Variants in ZNF721 observed in about 807,000 individuals in gnomAD.
The protein encoded by ZNF721 is zinc finger protein 721.
In ZNF721, 2 loss-of-function variants were observed where a neutral mutation model predicts 2.4. That is an observed-to-expected ratio of 0.82 (90% CI 0.34 to 2.58). ZNF721 has a LOEUF of 2.58. Ranked by LOEUF, ZNF721 falls within the 30% of genes most tolerant of loss-of-function variation. ZNF721 has a pLI of 0.11. For missense variants in ZNF721, 1,187 were observed against 1,085.5 expected (o/e 1.09, Z -1.31); for synonymous variants, 398 against 381.8 (o/e 1.04, Z -0.50).
chr4:443,581 T>C lies in ZNF721; in HGVS notation c.886A>G (p.Arg296Gly). ...FNISTTLTKH[R>G]RIHTGEKPYT... Reference sequence around the variant, plus strand: ...GGTTTCTCTCCAGTATGAATTCTCCTATGTTTAGTAAGGGTTGTGGAAATA... The same window carrying C: ...GGTTTCTCTCCAGTATGAATTCTCCCATGTTTAGTAAGGGTTGTGGAAATA... The change falls in exon 3 of 3, where the codon AGG (arginine) becomes GGG (glycine). Residue 296 changes from arginine (R) to glycine (G), a missense_variant. Physicochemically the swap from Arg to Gly is moderately radical, Grantham distance 125 (BLOSUM62 -2). Transcript: ENST00000511833. The C allele has an allele frequency of 1.9e-6, 3 of 1,614,030 alleles. No homozygotes were observed. The highest frequency in any genetic ancestry group is 2.5e-6 in the Non-Finnish European group (3 of 1,179,954).
chr4:496,187 G>A (rs1353120897), intron 1 of ZNF721, among the ~76,000 whole-genome samples: 2 of 152,090 alleles, frequency 1.3e-5, no homozygotes, highest in African/African-American at 4.8e-5. Context: ...AGCCGCTTCA[G>A]AGGCCTTGTT....
intron 2 of ZNF721, among the ~76,000 whole-genome samples, chr4:464,170 A>T (rs540323092): frequency 1.1e-4 from 16 of 152,330 alleles, no homozygotes; most frequent in Non-Finnish European, 1.5e-4. Context: ...TAAAATCAGC[A>T]AACTTTAAAG....
At position 442,314 on chromosome 4, in the gene ZNF721, A is replaced by G; in HGVS notation, c.2153T>C (p.Val718Ala). Residue 718 changes from valine to alanine, a missense_variant, in exon 3 of 3, where the codon GTT (valine) becomes GCT (alanine). Transcript: ENST00000511833. Reference protein sequence around the residue: ...RSRNLTTHRRVHTREKPYKCE... With the variant: ...RSRNLTTHRRAHTREKPYKCE... ...TTTGTAGGGTTTCTCCCTAGTGTGAACTCTCCTATGTGTAGTAAGGTTTCT... is the reference window on the plus strand; with the variant it reads ...TTTGTAGGGTTTCTCCCTAGTGTGAGCTCTCCTATGTGTAGTAAGGTTTCT... 1 of 1,612,846 alleles carries G rather than the reference A, an allele frequency of 6.2e-7. No homozygotes were observed. Among genetic ancestry groups the G allele is most frequent in the Non-Finnish European group, 8.5e-7 (1 of 1,179,410 alleles).
intron 1 of ZNF721, among the ~76,000 whole-genome samples, chr4:488,806 G>T (rs1336971551): frequency 1.3e-5 from 2 of 151,822 alleles, no homozygotes; most frequent in African/African-American, 4.8e-5. Flanking sequence ...TTCCGGCCTG[G>T]CAACAGAGCG....
chr4:458,264 G>T (rs141307502), intron 2 of ZNF721, among the ~76,000 whole-genome samples: 1 of 152,148 alleles, frequency 6.6e-6, no homozygotes, highest in African/African-American at 2.4e-5. Context: ...ATCCACAACT[G>T]TCTGATGCCC....
intron 2 of ZNF721, among the ~76,000 whole-genome samples, chr4:465,819 C>T (rs1214737002): frequency 2.0e-5 from 3 of 150,724 alleles, no homozygotes; most frequent in African/African-American, 7.3e-5. Context: ...TAGATACACA[C>T]ACAAAAAAGG....
chr4:447,783 T>C (rs1294953187), intron 2 of ZNF721, among the ~76,000 whole-genome samples: 1 of 146,582 alleles, frequency 6.8e-6, no homozygotes, highest in Non-Finnish European at 1.5e-5. Context: ...ATACTTTAAC[T>C]AAAAGTTCAG....
intron 1 of ZNF721, among the ~76,000 whole-genome samples, 168 bp downstream of exon 1, chr4:498,888 C>A (rs1553873451): frequency 6.6e-6 from 1 of 152,224 alleles, no homozygotes; most frequent in South Asian, 2.1e-4. Context: ...TCACGCCCCG[C>A]TAATTTTTTG....
chr4:464,943 G>C (rs1715196230), intron 2 of ZNF721, among the ~76,000 whole-genome samples: 2 of 151,858 alleles, frequency 1.3e-5, no homozygotes, highest in Non-Finnish European at 2.9e-5. Flanking sequence ...AAATTGGCCA[G>C]GTGTGGTGGC....
rs71166812 is a variant in ZNF721 at position 450,956 on chromosome 4, AATAT to A, written c.35-6528_35-6525del. On this transcript the variant is annotated intron_variant, in intron 2 of 2. Transcript: ENST00000511833. The stretch of plus-strand genomic sequence containing the variant: ...TGTCTCCAAAAAAAAAAAAAAAAAA[AATAT>A]ATATATATATATATATATATATATA... Among the ~76,000 whole-genome samples the A allele has an allele frequency of 6.4e-3, 406 of 63,674 alleles. 4 individuals are homozygous for A. Among genetic ancestry groups the A allele is most frequent in the African/African-American group, 0.011 (144 of 12,886 alleles). The allele number at this position is 63,674 out of a possible 152,430, so 41.8% of individuals were successfully genotyped here.
chr4:441,651 G>C lies in ZNF721; in HGVS notation c.*44C>G. The C allele has an allele frequency of 4.0e-6, 6 of 1,490,720 alleles. No homozygotes were observed. Among genetic ancestry groups the C allele is most frequent in the Non-Finnish European group, 5.4e-6 (6 of 1,104,384 alleles). The allele number at this position is 1,490,720 out of a possible 1,614,324, so 92.3% of individuals were successfully genotyped here. A position where few individuals can be genotyped will look rare whatever the true frequency, so the allele number is the denominator to read the frequency against. ...ATTCCCCTGGTATGAGTTCTCTTAT[G>C]TTTAAGAATGCTGTAGTATGACTTA... is the stretch of plus-strand genomic sequence containing the variant. On this transcript the variant is annotated 3_prime_UTR_variant, in exon 3 of 3. Coordinates refer to ENST00000511833, the MANE Select transcript of ZNF721 (RefSeq NM_133474.4).
chr4:497,498 C>A (rs1553872496), intron 1 of ZNF721, among the ~76,000 whole-genome samples: 1 of 152,176 alleles, frequency 6.6e-6, no homozygotes, highest in African/African-American at 2.4e-5. Flanking sequence ...GCCCATGACA[C>A]AGCCTCCGGA....
At chr4:465,134 G>A (rs1200394624) in intron 2 of ZNF721, among the ~76,000 whole-genome samples, 6 of 149,352 alleles carry the variant, frequency 4.0e-5, no homozygotes, top group Non-Finnish European at 8.9e-5. Flanking sequence ...TGTAAACCTA[G>A]CACTTTGGGA....
rs1560222369 is a variant in ZNF721, at chr4:441,705, AT to A, written c.2761del (p.Ile921TyrfsTer38). On this transcript the variant is annotated frameshift_variant, in exon 3 of 3. Transcript: ENST00000511833. LOFTEE classifies it high-confidence loss of function. ...GCTTTGCCACATTCTTTACACTTGT[AT>A]GGTTTTATCTCCAGTATGAATTTTC... Reference protein sequence around the residue: ...HKKIHTGDKTIQV With the variant: ...HKKIHTGDKTXQV 1.2e-6 allele frequency: 2 copies of A among 1,606,666 alleles called. No individual in the cohort carries two copies. The highest frequency in any genetic ancestry group is 1.7e-6 in the Non-Finnish European group (2 of 1,175,756).
chr4:472,645 GC>G lies in ZNF721; in HGVS notation c.-38del, dbSNP rs1330427795. 6.2e-7 allele frequency: 1 copy of G among 1,613,834 alleles called. No homozygotes were observed. On this transcript the variant is annotated 5_prime_UTR_variant, in exon 2 of 3. An upstream start codon of the reference 5' UTR is lost. Transcript: ENST00000511833. ...ACAAATTCTGCTGGGCAGGGTCCAGGCATTTCCACTCTTCTGGAGAGAATTC... is the reference window on the plus strand; with the variant it reads ...ACAAATTCTGCTGGGCAGGGTCCAGGATTTCCACTCTTCTGGAGAGAATTC...
intron 2 of ZNF721, among the ~76,000 whole-genome samples, chr4:450,853 C>T (rs781984616): frequency 2.7e-5 from 4 of 147,068 alleles, no homozygotes; most frequent in South Asian, 2.2e-4. Flanking sequence ...AGGAGAATGG[C>T]GTGAACCCAG....
intron 2 of ZNF721, among the ~76,000 whole-genome samples, chr4:448,906 C>T (rs1429528114): frequency 6.6e-6 from 1 of 152,008 alleles, no homozygotes; most frequent in Non-Finnish European, 1.5e-5. Context: ...TGAAATATTA[C>T]TCAGTTTGTA....
chr4:464,736 GAATAA>G (rs1279495585), intron 2 of ZNF721, among the ~76,000 whole-genome samples: 1 of 151,936 alleles, frequency 6.6e-6, no homozygotes, highest in Non-Finnish European at 1.5e-5. Context: ...ATAAATACAG[GAATAA>G]AATAAAATAA....
chr4:499,033 A>G (rs1305753690), intron 1 of ZNF721, 23 bp downstream of exon 1: 1 of 448,446 alleles, frequency 2.2e-6, no homozygotes, highest in Non-Finnish European at 4.0e-6. Flanking sequence ...CTTCCAAATT[A>G]AAAACTTTTT....
Sources: gnomAD v4.1 joint callset for allele counts (sites outside exome capture counted in the v4.1 genomes callset) on GRCh38, gnomAD v4.1.1 for gene constraint, MANE v1.5 for transcripts, NCBI Gene and HGNC (gene_info 2026-07-23, HGNC 2026-07-21) for gene names.